The following PCDH11X variants were observed in gnomAD, a reference collection of about 807,000 sequenced individuals.
PCDH11X encodes protocadherin 11 X-linked.
In PCDH11X, 18 loss-of-function variants were observed where a neutral mutation model predicts 53.3. The ratio of observed to expected loss-of-function variants is 0.34; its 90% CI spans 0.23 to 0.50. The LOEUF (loss-of-function observed/expected upper bound fraction) is 0.50. Among genes scored for constraint, PCDH11X ranks in the 20% least tolerant of loss-of-function variants. The pLI, the probability that PCDH11X is intolerant of heterozygous loss-of-function variation, is 0.98. For missense variants in PCDH11X, 570 were observed against 1,032.4 expected (o/e 0.55, Z 6.14); for synonymous variants, 279 against 393.3 (o/e 0.71, Z 3.44).
At chrX:92,461,833 AAT>A (rs1326399271) in intron 9 of PCDH11X, among the ~76,000 whole-genome samples, 1 of 111,801 alleles carries the variant, frequency 8.9e-6, no homozygotes, top group African/African-American at 3.3e-5. Flanking sequence ...TAATAACCAG[AAT>A]ATATGAGGAG....
intron 6 of PCDH11X, among the ~76,000 whole-genome samples, chrX:91,967,369 TC>T (rs1380647726): frequency 9.0e-6 from 1 of 110,970 alleles, no homozygotes; most frequent in African/African-American, 3.3e-5. Context: ...CGCCTGAACT[TC>T]ACCTCCTGTC....
At chrX:92,098,636 CTTTTTT>C (rs34306564) in intron 6 of PCDH11X, among the ~76,000 whole-genome samples, 2 of 43,900 alleles carry the variant, frequency 4.6e-5, no homozygotes, top group Admixed American at 7.5e-4. Context: ...TCCAAATGCT[CTTTTTT>C]TTTTTTTTTT....
intron 7 of PCDH11X, among the ~76,000 whole-genome samples, chrX:92,218,753 A>G (rs1392858943): frequency 8.9e-6 from 1 of 111,832 alleles, no homozygotes; most frequent in Non-Finnish European, 1.9e-5. Flanking sequence ...AAAAAAAAGA[A>G]TTTTAGACCA....
At chrX:92,177,510 A>G (rs182588313) in intron 6 of PCDH11X, among the ~76,000 whole-genome samples, 7 of 112,127 alleles carry the variant, frequency 6.2e-5, no homozygotes, top group Admixed American at 2.9e-4. Flanking sequence ...TTCTTAACAG[A>G]CAATAAAAGT....
intron 6 of PCDH11X, among the ~76,000 whole-genome samples, chrX:92,024,786 T>C (rs1232914163): frequency 6.0e-5 from 6 of 100,276 alleles, no homozygotes; most frequent in Non-Finnish European, 1.0e-4. Flanking sequence ...CTTCAAACTA[T>C]ACTACAAGGC....
At chrX:92,233,903 A>G (rs1030467699) in intron 7 of PCDH11X, among the ~76,000 whole-genome samples, 1 of 112,170 alleles carries the variant, frequency 8.9e-6, no homozygotes, top group Non-Finnish European at 1.9e-5. Context: ...ACCAAATGAA[A>G]GGAAACTTCA....
At chrX:91,995,166 T>A (rs1275900672) in intron 6 of PCDH11X, among the ~76,000 whole-genome samples, 1 of 108,449 alleles carries the variant, frequency 9.2e-6, no homozygotes, top group East Asian at 2.9e-4. Flanking sequence ...TTTAATGTAG[T>A]TCCAATTGTT....
rs768153766 is a variant in PCDH11X at position 91,788,938 on chromosome X, G to A, written c.-379+9254G>A. Among the ~76,000 whole-genome samples the A allele has an allele frequency of 1.1e-4, 12 of 111,619 alleles. No homozygotes were observed. In the East Asian group the frequency reaches 3.4e-3, roughly 32 times the overall value. On this transcript the variant is annotated intron_variant, in intron 1 of 10. Coordinates refer to ENST00000682573, the MANE Select transcript of PCDH11X (RefSeq NM_032968.5). ...GTGTTGGCTGGTCGCAGCGGCTCAC[G>A]CCTGTAATCCCAGCACTTTGGGAGG... is the stretch of plus-strand genomic sequence containing the variant.
chrX:92,609,229 C>T (rs1370814994), intron 10 of PCDH11X, among the ~76,000 whole-genome samples: 1 of 111,592 alleles, frequency 9.0e-6, no homozygotes, highest in Non-Finnish European at 1.9e-5. Flanking sequence ...CGATAACATA[C>T]GTTTTCAAAT....
chrX:92,132,651 A>ATATATATATG (rs2065008052), intron 6 of PCDH11X, among the ~76,000 whole-genome samples: 1 of 57,014 alleles, frequency 1.8e-5, no homozygotes, highest in Non-Finnish European at 2.8e-5. Flanking sequence ...ATATATATAT[A>ATATATATATG]TATATGTATA....
At chrX:92,373,568 A>C (rs2070673899) in intron 8 of PCDH11X, among the ~76,000 whole-genome samples, 1 of 111,278 alleles carries the variant, frequency 9.0e-6, no homozygotes, top group African/African-American at 3.3e-5. Flanking sequence ...GATGTGTTTT[A>C]AAATCCTTCA....
At chrX:92,441,074 G>A (rs1422732576) in intron 9 of PCDH11X, among the ~76,000 whole-genome samples, 3 of 110,067 alleles carry the variant, frequency 2.7e-5, no homozygotes, top group African/African-American at 9.9e-5. Context: ...CCTGCTCTAG[G>A]GATTTGTGGT....
At chrX:92,380,379 G>A (rs1342083402) in intron 8 of PCDH11X, among the ~76,000 whole-genome samples, 2 of 111,929 alleles carry the variant, frequency 1.8e-5, no homozygotes, top group East Asian at 5.7e-4. Context: ...AGTGCAGCCT[G>A]CCAAGCCGAG....
intron 6 of PCDH11X, among the ~76,000 whole-genome samples, chrX:92,016,472 T>A (rs956530927): frequency 1.2e-4 from 13 of 110,750 alleles, no homozygotes; most frequent in Admixed American, 1.1e-3. Context: ...TCATTAATTA[T>A]CTTAGCTAGA....
chrX:92,154,704 G>T (rs2065498346), intron 6 of PCDH11X, among the ~76,000 whole-genome samples: 1 of 110,116 alleles, frequency 9.1e-6, no homozygotes, highest in Non-Finnish European at 1.9e-5. Flanking sequence ...TGGCAAAATA[G>T]CTCGCCCGGC....
At chrX:92,339,559 C>T (rs756500838) in intron 8 of PCDH11X, among the ~76,000 whole-genome samples, 80 of 111,312 alleles carry the variant, frequency 7.2e-4, no homozygotes, top group Middle Eastern at 4.7e-3. Context: ...TTTACCATCA[C>T]GGTGGAAGGC....
At chrX:91,845,923 A>C (rs1331186664) in intron 5 of PCDH11X, among the ~76,000 whole-genome samples, 6 of 110,653 alleles carry the variant, frequency 5.4e-5, no homozygotes, top group Non-Finnish European at 1.1e-4. Context: ...AGACTTCTTA[A>C]GCTATATTTT....
At chrX:92,336,819 T>G (rs2069631063) in intron 8 of PCDH11X, among the ~76,000 whole-genome samples, 1 of 110,124 alleles carries the variant, frequency 9.1e-6, no homozygotes, top group African/African-American at 3.3e-5. Context: ...TAACATAAGG[T>G]TTTTTTTTAA....
chrX:92,268,208 G>A (rs2067874839), intron 8 of PCDH11X, among the ~76,000 whole-genome samples: 1 of 111,804 alleles, frequency 8.9e-6, no homozygotes, highest in Non-Finnish European at 1.9e-5. Flanking sequence ...AATGCATGAG[G>A]CTAAATCTGC....
Sources: allele counts gnomAD v4.1 joint callset (sites outside exome capture counted in the v4.1 genomes callset), GRCh38; gene constraint gnomAD v4.1.1; transcripts MANE v1.5; gene names NCBI Gene and HGNC (gene_info 2026-07-23, HGNC 2026-07-21).